The following ZZEF1 variants were observed in gnomAD, a reference collection of about 807,000 sequenced individuals.
ZZEF1 encodes the protein zinc finger ZZ-type and EF-hand domain containing 1.
ZZEF1 carries 157 observed loss-of-function variants against 342.8 expected under a neutral mutation model. That is an observed-to-expected ratio of 0.46 (90% confidence interval 0.40 to 0.52). The LOEUF is 0.52. Among genes scored for constraint, ZZEF1 ranks in the 20% least tolerant of loss-of-function variants. The probability of loss-of-function intolerance (pLI) is 0.00; values close to 1 mark genes in which losing one functional copy is unlikely to be tolerated. For synonymous variants in ZZEF1, 1,505 were observed against 1,429.1 expected (o/e 1.05, Z -1.20); for missense variants, 3,480 against 3,725.6 (o/e 0.93, Z 1.72).
chr17:4,040,404 C>CA (rs1317467546), intron 39 of ZZEF1, among the ~76,000 whole-genome samples: 1 of 152,054 alleles, frequency 6.6e-6, no homozygotes, highest in Non-Finnish European at 1.5e-5. Flanking sequence ...AAAGATACAA[C>CA]AAAAAACTCC....
Position 4,104,803 on chromosome 17 carries a change from G to A in ZZEF1, c.1403C>T (p.Ser468Phe), listed in dbSNP as rs1250820333. Residue 468 changes from serine (S) to phenylalanine (F), a missense_variant, in exon 8 of 55, where the codon TCT becomes TTT. By Grantham distance (155) the Ser-to-Phe change is radical. This residue lies in a region of ZZEF1 where 1,528 missense variants were observed against 1,624.1 expected (regional missense o/e 0.94). Transcript: ENST00000381638. ...AAGAGTCAGTTCTACCTCTGGGGTA[G>A]AACAGCAGCTATAAGCAAAGAGCAA... ...SFLIRITSCC[S>F]TPEVELTLLA... 8 of 1,612,214 alleles carry A rather than the reference G, an allele frequency of 5.0e-6. No homozygotes were observed. Among genetic ancestry groups the A allele is most frequent in the Non-Finnish European group, 6.8e-6 (8 of 1,179,498 alleles).
chr17:4,132,683 TTA>T (rs2058681759), intron 1 of ZZEF1, among the ~76,000 whole-genome samples: 8 of 136,862 alleles, frequency 5.8e-5, no homozygotes, highest in African/African-American at 1.8e-4. Context: ...ATACAAAAAA[TTA>T]GCCGGGTGTG....
chr17:4,028,525 G>C (rs1447170328), intron 42 of ZZEF1, among the ~76,000 whole-genome samples: 2 of 150,596 alleles, frequency 1.3e-5, no homozygotes, highest in Non-Finnish European at 2.9e-5. Flanking sequence ...CTCCAGCCTG[G>C]GTGATGGAGT....
intron 42 of ZZEF1, among the ~76,000 whole-genome samples, chr17:4,025,801 T>C (rs1302217954): frequency 1.3e-5 from 2 of 151,716 alleles, no homozygotes; most frequent in Non-Finnish European, 2.9e-5. Flanking sequence ...CATGAAACAA[T>C]AGCTTGCAGA....
Position 4,027,625 on chromosome 17 carries a change from G to C in ZZEF1, c.6893-2507C>G, listed in dbSNP as rs575310450. Among the ~76,000 whole-genome samples, 185 of 142,452 alleles carry C rather than the reference G, an allele frequency of 1.3e-3. 1 individual carries two copies. Among genetic ancestry groups the C allele is most frequent in the African/African-American group, 4.5e-3 (172 of 37,868 alleles). 93.5% of individuals were successfully genotyped at this position (142,452 alleles called of 152,430 possible). On this transcript the variant is annotated intron_variant, in intron 42 of 54. Transcript: ENST00000381638. ...TTTTTTTTTTTTTTTAAAGAGACAG[G>C]CTCCTGCTCTGTCACCTAGGCTACA...
chr17:4,056,330 T>C lies in ZZEF1; in HGVS notation c.5181A>G (p.Glu1727=), dbSNP rs760182977. ...HDSVISQWSE[E]DELADAKQNS... ...TCTGCTTGGCATCAGCAAGCTCATC[T>C]TCTTCACTCCATTGGCTGAAAGAAG... The change falls in exon 33 of 55, where the codon GAA becomes GAG. Residue 1727 remains glutamate, a synonymous_variant. Transcript: ENST00000381638. 1.3e-6 allele frequency: 2 copies of C among 1,596,540 alleles called. No individual in the cohort carries two copies. Among genetic ancestry groups the C allele is most frequent in the South Asian group, 2.3e-5 (2 of 86,358 alleles).
intron 8 of ZZEF1, among the ~76,000 whole-genome samples, chr17:4,103,350 C>T (rs1355869678): frequency 2.0e-5 from 3 of 151,432 alleles, no homozygotes; most frequent in Non-Finnish European, 2.9e-5. Context: ...TGAGACCAGC[C>T]TGGTCAACAT....
rs1808312518 is a variant in ZZEF1 at position 4,088,597 on chromosome 17, T to C, written c.2241+81A>G. 10 of 1,475,658 alleles carry C rather than the reference T, an allele frequency of 6.8e-6. No homozygotes were observed. The South Asian group carries it at 7.3e-5, about 11-fold the overall frequency. The allele number at this position is 1,475,658 out of a possible 1,614,324, so 91.4% of individuals were successfully genotyped here. A position where few individuals can be genotyped will look rare whatever the true frequency, so the allele number is the denominator to read the frequency against. On this transcript the variant is annotated intron_variant, in intron 13 of 54. Coordinates refer to ENST00000381638, the MANE Select transcript of ZZEF1 (RefSeq NM_015113.4). ...TATTGGCTTCCGCAGGGGCAGGTTTTATCAGTTGGTGTTCATTTCTCTGAA... is the reference window on the plus strand; with the variant it reads ...TATTGGCTTCCGCAGGGGCAGGTTTCATCAGTTGGTGTTCATTTCTCTGAA...
At chr17:4,087,820 ACACAC>A (rs1362133594) in intron 13 of ZZEF1, among the ~76,000 whole-genome samples, 4 of 125,938 alleles carry the variant, frequency 3.2e-5, no homozygotes, top group African/African-American at 1.1e-4. Flanking sequence ...ACACACACAC[ACACAC>A]ATCCATGAAC....
chr17:4,096,159 C>T (rs544171753), intron 10 of ZZEF1, among the ~76,000 whole-genome samples, 180 bp from the exon 11 acceptor site: 1 of 152,316 alleles, frequency 6.6e-6, no homozygotes, highest in Non-Finnish European at 1.5e-5. Flanking sequence ...CCTTAACTTT[C>T]TCAATCCTTA....
intron 24 of ZZEF1, among the ~76,000 whole-genome samples, chr17:4,073,142 T>C (rs1422998632): frequency 6.6e-6 from 1 of 152,194 alleles, no homozygotes; most frequent in African/African-American, 2.4e-5. Flanking sequence ...ATATCCAGCA[T>C]AGATGTGTTT....
rs1203561758 is a variant in ZZEF1, at chr17:4,008,586, C to G, written c.8805+297G>C. ...ACTCACATCTAAAAATATGTGAAAT[C>G]TAACTCCACGGAAACTTCAAGAATC... On this transcript the variant is annotated intron_variant, in intron 54 of 54. Transcript: ENST00000381638. This position sits in a 1 kb window ranked among gnomAD's most constrained non-coding sequence, Gnocchi z 4.2. The G allele has an allele frequency of 2.6e-6, 3 of 1,139,524 alleles. No individual in the cohort carries two copies. The highest frequency in any genetic ancestry group is 3.2e-6 in the Non-Finnish European group (3 of 927,202). The allele number at this position is 1,139,524 out of a possible 1,614,324, so 70.6% of individuals were successfully genotyped here. A position where few individuals can be genotyped will look rare whatever the true frequency, so the allele number is the denominator to read the frequency against.
intron 42 of ZZEF1, among the ~76,000 whole-genome samples, chr17:4,030,679 G>C (rs547324501): frequency 5.3e-5 from 8 of 152,306 alleles, no homozygotes; most frequent in South Asian, 2.1e-4. Flanking sequence ...ATTTTATGTA[G>C]TGATGGGGGT....
At chr17:4,079,491 A>T (rs549680600) in intron 18 of ZZEF1, among the ~76,000 whole-genome samples, 1 of 152,326 alleles carries the variant, frequency 6.6e-6, no homozygotes, top group East Asian at 1.9e-4. Context: ...GACTGAAGTG[A>T]GTTTTTTAAG....
At chr17:4,108,367 T>C (rs1425466739) in intron 6 of ZZEF1, among the ~76,000 whole-genome samples, 1 of 152,144 alleles carries the variant, frequency 6.6e-6, no homozygotes, top group African/African-American at 2.4e-5. Context: ...TGAAGGACAC[T>C]CTTCAAAATA....
chr17:4,038,396 A>G (rs1358903034), intron 39 of ZZEF1, among the ~76,000 whole-genome samples: 1 of 152,388 alleles, frequency 6.6e-6, no homozygotes, highest in East Asian at 1.9e-4. Context: ...AGTAACGTGA[A>G]CTTTAAAATT....
chr17:4,119,333 A>T (rs1163152665), intron 2 of ZZEF1, among the ~76,000 whole-genome samples: 1 of 152,192 alleles, frequency 6.6e-6, no homozygotes, highest in African/African-American at 2.4e-5. Flanking sequence ...GCATCTTTCA[A>T]GTTCTTGATG....
chr17:4,051,967 A>G lies in ZZEF1; in HGVS notation c.5600+4T>C. 6.2e-7 allele frequency: 1 copy of G among 1,613,242 alleles called. No homozygotes were observed. Among genetic ancestry groups the G allele is most frequent in the South Asian group, 1.1e-5 (1 of 90,996 alleles). On this transcript the variant is annotated splice_donor_region_variant and intron_variant, in intron 35 of 54. Transcript: ENST00000381638. ...CTTGGTGGCGACGGTCACTTGAGACATACCCGTAGGAGTATTTCTTCGCTG... is the reference window on the plus strand; with the variant it reads ...CTTGGTGGCGACGGTCACTTGAGACGTACCCGTAGGAGTATTTCTTCGCTG...
chr17:4,045,897 GGCTCACTGC>G (rs1342864964), intron 37 of ZZEF1, among the ~76,000 whole-genome samples: 2 of 150,590 alleles, frequency 1.3e-5, no homozygotes, highest in East Asian at 3.9e-4. Flanking sequence ...GCGCCATCTC[GGCTCACTGC>G]AAGCTCCGCC....
Sources: gnomAD v4.1 joint callset for allele counts (sites outside exome capture counted in the v4.1 genomes callset) on GRCh38, gnomAD v4.1.1 for gene constraint, gnomAD v4.1.1 regional missense constraint, Gnocchi (gnomAD v3.1) non-coding constraint, MANE v1.5 for transcripts, NCBI Gene and HGNC (gene_info 2026-07-23, HGNC 2026-07-21) for gene names.